Variants in TMC3 observed in about 807,000 individuals in gnomAD.
The protein encoded by TMC3 is transmembrane channel like 3, also known as transmembrane channel-like protein 3.
In TMC3, 98 loss-of-function variants were observed where a neutral mutation model predicts 110.6. That is an observed-to-expected ratio of 0.89 (90% confidence interval 0.75 to 1.05). TMC3 has a LOEUF of 1.05. Among genes scored for constraint, TMC3 ranks in the 50% least tolerant of loss-of-function variants. TMC3 has a pLI of 0.00. For missense variants in TMC3, 1,319 were observed against 1,373.2 expected (o/e 0.96, Z 0.62); for synonymous variants, 489 against 513.1 (o/e 0.95, Z 0.63).
In TMC3 at chr15:81,338,695, T is replaced by C; in HGVS notation, c.2041A>G (p.Ser681Gly). The C allele has an allele frequency of 6.2e-7, 1 of 1,614,036 alleles. No individual in the cohort carries two copies. The highest frequency in any genetic ancestry group is 8.5e-7 in the Non-Finnish European group (1 of 1,179,882). ...GCGGGCAGGATGACCACGGGGCTACTGATGTGTCCAACCACGGAGCCAAAC... is the reference window on the plus strand; with the variant it reads ...GCGGGCAGGATGACCACGGGGCTACCGATGTGTCCAACCACGGAGCCAAAC... Reference protein sequence around the residue: ...VWFGSVVGHISSPVVILPAVL... With the variant: ...VWFGSVVGHIGSPVVILPAVL... The change falls in exon 18 of 22, where the codon AGT (serine) becomes GGT (glycine). Residue 681 changes from serine (S) to glycine (G), a missense_variant. Transcript: ENST00000359440.
At chr15:81,373,264 A>G (rs528393235) in intron 1 of TMC3, among the ~76,000 whole-genome samples, 1 of 152,336 alleles carries the variant, frequency 6.6e-6, no homozygotes, top group East Asian at 1.9e-4. Flanking sequence ...AGGCAGAGCC[A>G]GGCAAAGCAA....
intron 3 of TMC3, 33 bp from the exon 4 acceptor site, chr15:81,362,334 C>T (rs556492221): frequency 7.6e-6 from 12 of 1,571,706 alleles, no homozygotes; most frequent in South Asian, 4.6e-5. Flanking sequence ...AGAGAGGTCA[C>T]GTACATGAAG....
intron 11 of TMC3, among the ~76,000 whole-genome samples, chr15:81,347,423 G>A (rs1893849640): frequency 6.6e-6 from 1 of 152,202 alleles, no homozygotes; most frequent in African/African-American, 2.4e-5. Context: ...GGCATCTCCA[G>A]GGGACAGCAT....
chr15:81,366,399 A>G (rs1351486708), intron 3 of TMC3, among the ~76,000 whole-genome samples: 1 of 152,238 alleles, frequency 6.6e-6, no homozygotes, highest in Non-Finnish European at 1.5e-5. Context: ...GTTTTACAGA[A>G]GAGGATGGAG....
At chr15:81,353,141 A>G (rs1234951320) in intron 9 of TMC3, among the ~76,000 whole-genome samples, 3 of 152,208 alleles carry the variant, frequency 2.0e-5, no homozygotes, top group Non-Finnish European at 4.4e-5. Context: ...TTTTTAACAA[A>G]AAAAGTGTAA....
intron 11 of TMC3, among the ~76,000 whole-genome samples, chr15:81,348,937 C>T (rs747110962): frequency 2.6e-5 from 4 of 152,328 alleles, no homozygotes; most frequent in South Asian, 2.1e-4. Context: ...CTCAGCCTCC[C>T]GAGTAGCTGG....
chr15:81,333,520 T>C (rs975515663), intron 21 of TMC3, among the ~76,000 whole-genome samples: 6 of 152,210 alleles, frequency 3.9e-5, no homozygotes, highest in African/African-American at 1.4e-4. Flanking sequence ...GGTGTTATGC[T>C]AGTGTATTTC....
chr15:81,364,708 A>AAT (rs965189363), intron 3 of TMC3, among the ~76,000 whole-genome samples: 7 of 114,324 alleles, frequency 6.1e-5, no homozygotes, highest in African/African-American at 2.6e-4. Flanking sequence ...TCCAAAAAAA[A>AAT]AAAAATAAAA....
intron 2 of TMC3, among the ~76,000 whole-genome samples, chr15:81,368,630 G>A (rs1894369350): frequency 6.6e-6 from 1 of 152,108 alleles, no homozygotes; most frequent in African/African-American, 2.4e-5. Context: ...TGCTTGGCTG[G>A]GAATTCTGAG....
At chr15:81,369,214 C>T (rs994406529) in intron 2 of TMC3, among the ~76,000 whole-genome samples, 4 of 152,140 alleles carry the variant, frequency 2.6e-5, no homozygotes, top group African/African-American at 9.7e-5. Context: ...CCCCCAATAA[C>T]ACCCACTGGT....
At chr15:81,338,550 A>G (rs748159830) in intron 18 of TMC3, 105 bp downstream of exon 18, 6 of 1,479,132 alleles carry the variant, frequency 4.1e-6, no homozygotes, top group Admixed American at 2.1e-5. Flanking sequence ...AGCCTAAGTG[A>G]TTTTTGAATG....
chr15:81,346,212 C>T (rs1214717870), intron 12 of TMC3, among the ~76,000 whole-genome samples, 153 bp downstream of exon 12: 1 of 152,176 alleles, frequency 6.6e-6, no homozygotes, highest in East Asian at 1.9e-4. Flanking sequence ...TCTCTCCTTA[C>T]CTTGAGAAGA....
In TMC3 at chr15:81,358,268, G is replaced by C. The variant is rs1894109329; in HGVS notation, c.624C>G (p.Leu208=). 1 of 1,611,742 alleles carries C rather than the reference G, an allele frequency of 6.2e-7. No individual in the cohort carries two copies. Among genetic ancestry groups the C allele is most frequent in the Non-Finnish European group, 8.5e-7 (1 of 1,179,062 alleles). The change falls in exon 7 of 22, where the codon CTC becomes CTG. Residue 208 remains leucine (L), a synonymous_variant. Transcript: ENST00000359440. ...TCTCCCTGCCGTAATATCCGTAGAAGAGGACAGAGTACTGGAGGTAGCCCT... is the reference window on the plus strand; with the variant it reads ...TCTCCCTGCCGTAATATCCGTAGAACAGGACAGAGTACTGGAGGTAGCCCT... ...SLGGYLQYSV[L]FYGYYGRERK...
At chr15:81,369,852 G>A (rs1475807689) in intron 2 of TMC3, among the ~76,000 whole-genome samples, 4 of 152,196 alleles carry the variant, frequency 2.6e-5, no homozygotes, top group Admixed American at 2.6e-4. Context: ...CTTGAGCCCA[G>A]GAGTTTGAGG....
intron 7 of TMC3, among the ~76,000 whole-genome samples, chr15:81,357,820 T>C (rs776341585): frequency 1.3e-5 from 2 of 152,210 alleles, no homozygotes; most frequent in Non-Finnish European, 2.9e-5. Context: ...TAAAATTACA[T>C]GAACTGGTAA....
chr15:81,340,565 A>T (rs879381434), intron 16 of TMC3, among the ~76,000 whole-genome samples: 2 of 152,260 alleles, frequency 1.3e-5, no homozygotes, highest in African/African-American at 2.4e-5. Context: ...AGAATGTGTT[A>T]TGAATTCACC....
intron 9 of TMC3, among the ~76,000 whole-genome samples, chr15:81,353,310 A>C (rs1231500679): frequency 3.3e-5 from 5 of 152,236 alleles, no homozygotes; most frequent in Admixed American, 1.3e-4. Context: ...AACTAAGATT[A>C]ATTTATTATT....
chr15:81,344,939 C>T lies in TMC3; in HGVS notation c.1345G>A (p.Glu449Lys), dbSNP rs1436893515. ...CGAGATGTGGACCATTTCTCTTCTT[C>T]AGGGGCTGTCCTGGTTGCAAAGAAG... ...TTFFATRTAPEEEKWSTSRPG... is the reference protein window; with the variant it reads ...TTFFATRTAPKEEKWSTSRPG... The change falls in exon 13 of 22, where the codon GAA becomes AAA. Residue 449 changes from glutamate (E) to lysine (K), a missense_variant. By Grantham distance (56) the Glu-to-Lys change is moderately conservative (BLOSUM62 1). Coordinates refer to ENST00000359440, the MANE Select transcript of TMC3 (RefSeq NM_001080532.3). 8 of 1,613,184 alleles carry T rather than the reference C, an allele frequency of 5.0e-6. No individual in the cohort carries two copies. Among genetic ancestry groups the T allele is most frequent in the Non-Finnish European group, 6.8e-6 (8 of 1,179,606 alleles).
At chr15:81,343,719 C>G (rs904223623) in intron 14 of TMC3, among the ~76,000 whole-genome samples, 198 bp downstream of exon 14, 1 of 151,146 alleles carries the variant, frequency 6.6e-6, no homozygotes, top group African/African-American at 2.4e-5. Context: ...GAGCAAGACC[C>G]TGTCTCAAAA....
Sources: allele counts gnomAD v4.1 joint callset (sites outside exome capture counted in the v4.1 genomes callset), GRCh38; gene constraint gnomAD v4.1.1; transcripts MANE v1.5; gene names NCBI Gene and HGNC (gene_info 2026-07-23, HGNC 2026-07-21).